The following DLGAP1 variants were observed in gnomAD, a reference collection of about 807,000 sequenced individuals.
DLGAP1 encodes the protein disks large-associated protein 1.
A neutral mutation model predicts 90.8 loss-of-function variants in DLGAP1; 11 were observed. The observed-to-expected ratio is 0.12, with a 90% CI of 0.08 to 0.20. The LOEUF (loss-of-function observed/expected upper bound fraction) is 0.20, where lower values mean the gene tolerates loss of function less well. Ranked by LOEUF, DLGAP1 falls within the 10% of genes least tolerant of loss-of-function variation. The probability of loss-of-function intolerance (pLI) is 1.00; values close to 1 mark genes in which losing one functional copy is unlikely to be tolerated. For synonymous variants in DLGAP1, 558 were observed against 540.7 expected (o/e 1.03, Z -0.44); for missense variants, 1,050 against 1,333.8 (o/e 0.79, Z 3.31).
chr18:4,303,451 C>T (rs1255705099), intron 1 of DLGAP1, among the ~76,000 whole-genome samples: 1 of 152,152 alleles, frequency 6.6e-6, no homozygotes, highest in Non-Finnish European at 1.5e-5. Context: ...CCCCACAAAC[C>T]TCCCTCTGGT....
chr18:3,531,322 A>G (rs574271422), intron 10 of DLGAP1, among the ~76,000 whole-genome samples: 3 of 152,050 alleles, frequency 2.0e-5, no homozygotes, highest in Admixed American at 2.0e-4. Context: ...CTGTAATCCC[A>G]GCTACTCAGG....
At position 3,729,767 on chromosome 18, in the gene DLGAP1, T is replaced by A. The variant is rs1213348598; in HGVS notation, c.1351-392A>T. Among the ~76,000 whole-genome samples, 1 of 152,174 alleles carries A rather than the reference T, an allele frequency of 6.6e-6. No individual in the cohort carries two copies. Among genetic ancestry groups the A allele is most frequent in the Non-Finnish European group, 1.5e-5 (1 of 68,042 alleles). On this transcript the variant is annotated intron_variant, in intron 6 of 12. Transcript: ENST00000315677. The surrounding 1 kb of genome is among the most constrained non-coding windows in gnomAD (Gnocchi z 6.2). ...TGTAGAACGCAAGGAAATGTGGGGCTTATTCCAACGCATGACATTCTTATT... is the reference window on the plus strand; with the variant it reads ...TGTAGAACGCAAGGAAATGTGGGGCATATTCCAACGCATGACATTCTTATT...
chr18:4,226,909 TAG>T (rs1362984588), intron 1 of DLGAP1, among the ~76,000 whole-genome samples: 1 of 151,730 alleles, frequency 6.6e-6, no homozygotes, highest in Non-Finnish European at 1.5e-5. Flanking sequence ...TCAAAAGACA[TAG>T]AGTGACTGAA....
rs185908263 is a variant in DLGAP1, at chr18:4,440,740, A to G, written c.-267+14266T>C. ...TATTCAATCAGTTTTACATGTGTCT[A>G]ATCTTCATTTCAGCTTTTGTTAATT... On this transcript the variant is annotated intron_variant, in intron 1 of 12. Transcript: ENST00000315677. 1.4e-3 allele frequency among the ~76,000 whole-genome samples: 213 copies of G among 152,348 alleles called. 1 individual carries two copies. Among genetic ancestry groups the G allele is most frequent in the African/African-American group, 4.9e-3 (204 of 41,576 alleles).
intron 1 of DLGAP1, among the ~76,000 whole-genome samples, chr18:4,282,363 CAAAA>C (rs10710132): frequency 1.0e-5 from 1 of 99,086 alleles, no homozygotes; most frequent in Non-Finnish European, 2.3e-5. Flanking sequence ...GACTCTGTCT[CAAAA>C]AAAAAAAAAA....
At chr18:4,394,100 G>T (rs73386850) in intron 1 of DLGAP1, among the ~76,000 whole-genome samples, 2,675 of 152,262 alleles carry the variant, frequency 0.018, 77 homozygotes, top group African/African-American at 0.061. Context: ...TTGAATAAAT[G>T]AATACAAAAG....
chr18:3,815,411 C>T (rs1306825357), intron 4 of DLGAP1, among the ~76,000 whole-genome samples: 2 of 151,734 alleles, frequency 1.3e-5, no homozygotes, highest in African/African-American at 4.8e-5. Flanking sequence ...CTCTGCACAC[C>T]CGTGCACACA....
At position 4,128,336 on chromosome 18, in the gene DLGAP1, C is replaced by T. The variant is rs147882618; in HGVS notation, c.-159+22844G>A. Among the ~76,000 whole-genome samples, 457 of 152,112 alleles carry T rather than the reference C, an allele frequency of 3.0e-3. 3 individuals carry two copies. Among genetic ancestry groups the T allele is most frequent in the Non-Finnish European group, 4.9e-3 (330 of 68,004 alleles). ...AGTATACCGGGGGGATGTGAGTAGGCTATATGCAAATACTACATCATTTTA... is the reference window on the plus strand; with the variant it reads ...AGTATACCGGGGGGATGTGAGTAGGTTATATGCAAATACTACATCATTTTA... On this transcript the variant is annotated intron_variant, in intron 2 of 12. Transcript: ENST00000315677.
intron 7 of DLGAP1, among the ~76,000 whole-genome samples, chr18:3,623,704 G>A (rs1033347852): frequency 6.6e-6 from 1 of 150,864 alleles, no homozygotes; most frequent in African/African-American, 2.5e-5. Context: ...TTGAACCTGG[G>A]AGGCGGAGCT....
At chr18:3,500,549 G>A (rs2049875984) in intron 12 of DLGAP1, among the ~76,000 whole-genome samples, 1 of 152,118 alleles carries the variant, frequency 6.6e-6, no homozygotes, top group South Asian at 2.1e-4. Context: ...TCACCCTGGA[G>A]CTACCCCACC....
chr18:4,145,423 A>C (rs938983254), intron 2 of DLGAP1, among the ~76,000 whole-genome samples: 1 of 152,220 alleles, frequency 6.6e-6, no homozygotes, highest in African/African-American at 2.4e-5. Context: ...TAAAATAGAA[A>C]AATAGCCAAC....
chr18:3,692,582 G>T (rs2060935162), intron 7 of DLGAP1, among the ~76,000 whole-genome samples: 1 of 151,808 alleles, frequency 6.6e-6, no homozygotes, highest in African/African-American at 2.4e-5. Context: ...CAGGTCTTGG[G>T]AAGTTAACCC....
At chr18:4,083,784 C>CAT (rs2075645222) in intron 2 of DLGAP1, among the ~76,000 whole-genome samples, 1 of 152,078 alleles carries the variant, frequency 6.6e-6, no homozygotes, top group Admixed American at 6.6e-5. Context: ...GCTCTGACCC[C>CAT]ATGGTAGCAT....
intron 1 of DLGAP1, among the ~76,000 whole-genome samples, chr18:4,287,308 G>A (rs916709407): frequency 3.3e-5 from 5 of 152,138 alleles, no homozygotes; most frequent in Non-Finnish European, 7.4e-5. Flanking sequence ...GATTCCTCAA[G>A]GATCTAGAAC....
chr18:3,930,974 C>G (rs892624013), intron 3 of DLGAP1, among the ~76,000 whole-genome samples: 4 of 152,190 alleles, frequency 2.6e-5, no homozygotes, highest in African/African-American at 9.7e-5. Flanking sequence ...TGGGGCCTAA[C>G]TACCCGTCTC....
chr18:3,708,357 G>A (rs2061500869), intron 7 of DLGAP1: 1 of 453,814 alleles, frequency 2.2e-6, no homozygotes, highest in Middle Eastern at 3.3e-4. Flanking sequence ...AAAACAAAAT[G>A]TTTTTTATTG....
chr18:3,879,368 T>C lies in DLGAP1; in HGVS notation c.701A>G (p.Gln234Arg), dbSNP rs1461343235. ...GGTGTTGTAGGCCTCCAGGAAGTACTGTGAGGCCGAGCGGTCGGGGCACCT... is the reference window on the plus strand; with the variant it reads ...GGTGTTGTAGGCCTCCAGGAAGTACCGTGAGGCCGAGCGGTCGGGGCACCT... ...MGRCPDRSASQYFLEAYNTIS... is the reference protein window; with the variant it reads ...MGRCPDRSASRYFLEAYNTIS... The change falls in exon 4 of 13, where the codon CAG (glutamine) becomes CGG (arginine). Residue 234 changes from glutamine (Q) to arginine (R), a missense_variant. Around this residue, in one of 2 missense-constraint regions of DLGAP1, gnomAD observed 485 missense variants for 454.1 expected, o/e 1.07. Transcript: ENST00000315677. The surrounding 1 kb of genome is among the most constrained non-coding windows in gnomAD (Gnocchi z 6.6). 6 of 1,613,308 alleles carry C rather than the reference T, an allele frequency of 3.7e-6. No homozygotes were observed. In the South Asian group the frequency reaches 6.6e-5, roughly 18 times the overall value.
chr18:4,106,434 G>A (rs139305671), intron 2 of DLGAP1, among the ~76,000 whole-genome samples: 166 of 151,474 alleles, frequency 1.1e-3, no homozygotes, highest in African/African-American at 3.8e-3. Flanking sequence ...GGTGTAGGAC[G>A]AGGCTAGGGC....
At chr18:3,974,764 C>T (rs1372629) in intron 3 of DLGAP1, among the ~76,000 whole-genome samples, 60,399 of 151,788 alleles carry the variant, frequency 0.4, 12,181 homozygotes, top group Non-Finnish European at 0.42. Context: ...ATAAGACTCA[C>T]ACCGATGAGT....
Sources: allele counts gnomAD v4.1 joint callset (sites outside exome capture counted in the v4.1 genomes callset), GRCh38; gene constraint gnomAD v4.1.1; regional missense constraint gnomAD v4.1.1; non-coding constraint Gnocchi (gnomAD v3.1); transcripts MANE v1.5; gene names NCBI Gene and HGNC (gene_info 2026-07-23, HGNC 2026-07-21).